Variants in FILIP1 observed in about 807,000 individuals in gnomAD.
FILIP1 encodes filamin-A-interacting protein 1.
In FILIP1, 61 loss-of-function variants were observed where a neutral mutation model predicts 102.1. The ratio of observed to expected loss-of-function variants is 0.60; its 90% CI spans 0.49 to 0.74. The LOEUF (loss-of-function observed/expected upper bound fraction) is 0.74. Among genes scored for constraint, FILIP1 ranks in the 30% least tolerant of loss-of-function variants. FILIP1 has a pLI of 0.00. For missense variants in FILIP1, 1,314 were observed against 1,441.2 expected (o/e 0.91, Z 1.43); for synonymous variants, 491 against 526.9 (o/e 0.93, Z 0.93).
chr6:75,492,016 T>G (rs1779973868), intron 1 of FILIP1, among the ~76,000 whole-genome samples: 1 of 152,210 alleles, frequency 6.6e-6, no homozygotes, highest in Admixed American at 6.5e-5. Context: ...GTTCTGACTT[T>G]TCAAACTCCT....
At chr6:75,440,977 G>C (rs1419664599) in intron 1 of FILIP1, among the ~76,000 whole-genome samples, 3 of 149,922 alleles carry the variant, frequency 2.0e-5, no homozygotes, top group Non-Finnish European at 3.0e-5. Context: ...TGACCGAAGA[G>C]TAAAACTTCC....
chr6:75,385,091 G>A (rs983885152), intron 2 of FILIP1, among the ~76,000 whole-genome samples: 17 of 150,888 alleles, frequency 1.1e-4, no homozygotes, highest in East Asian at 3.9e-4. Context: ...GGGCCACCAC[G>A]CCCAACCTAA....
At chr6:75,360,316 T>A (rs1775134641) in intron 3 of FILIP1, among the ~76,000 whole-genome samples, 2 of 152,244 alleles carry the variant, frequency 1.3e-5, no homozygotes, top group Non-Finnish European at 1.5e-5. Context: ...TTGTATTTTT[T>A]AAATTTATGA....
intron 4 of FILIP1, among the ~76,000 whole-genome samples, chr6:75,352,586 T>C (rs548221604): frequency 6.6e-6 from 1 of 152,256 alleles, no homozygotes; most frequent in African/African-American, 2.4e-5. Flanking sequence ...GGTTTGTTTT[T>C]TTACCCCAAG....
intron 2 of FILIP1, among the ~76,000 whole-genome samples, chr6:75,407,120 A>G (rs1033063934): frequency 6.6e-6 from 1 of 152,210 alleles, no homozygotes; most frequent in African/African-American, 2.4e-5. Flanking sequence ...AATGAGCAAT[A>G]TTTTTAAAAA....
At chr6:75,301,347 A>C (rs751238616) in intron 6 of FILIP1, among the ~76,000 whole-genome samples, 1 of 152,208 alleles carries the variant, frequency 6.6e-6, no homozygotes, top group African/African-American at 2.4e-5. Flanking sequence ...TAGTTTCATC[A>C]TATGAAATAA....
At chr6:75,304,145 G>A (rs1363192999), downstream of FILIP1, among the ~76,000 whole-genome samples, 1 of 152,154 alleles carries the variant, frequency 6.6e-6, no homozygotes, top group Non-Finnish European at 1.5e-5. Context: ...GGGAAATGTG[G>A]TAAGAGGAAG....
At chr6:75,423,470 G>C (rs757556992) in intron 1 of FILIP1, among the ~76,000 whole-genome samples, 2 of 152,082 alleles carry the variant, frequency 1.3e-5, no homozygotes, top group Non-Finnish European at 2.9e-5. Flanking sequence ...AGCCAAACTT[G>C]CACCAAAAAA....
intron 2 of FILIP1, among the ~76,000 whole-genome samples, chr6:75,375,518 T>A (rs558703850): frequency 2.0e-5 from 3 of 152,238 alleles, no homozygotes; most frequent in Middle Eastern, 3.4e-3. Flanking sequence ...GGTCATTTTC[T>A]GGGGTCTTCC....
At chr6:75,301,032 G>A (rs146183820) in intron 6 of FILIP1, among the ~76,000 whole-genome samples, 22 of 152,154 alleles carry the variant, frequency 1.4e-4, no homozygotes, top group Admixed American at 2.6e-4. Context: ...TGGAAAAATA[G>A]GTAAGTATTT....
rs150524234 is a variant in FILIP1, at chr6:75,480,031, T to G, written c.-7+13383A>C. On this transcript the variant is annotated intron_variant, in intron 1 of 5. Transcript: ENST00000237172. ...CATTCAGTTTTTATGGAATCAGATG[T>G]TTTAGTCTTATGTTTTACTGGCTTT... 5.2e-4 allele frequency among the ~76,000 whole-genome samples: 79 copies of G among 152,122 alleles called. 2 individuals are homozygous for G. The East Asian group carries it at 0.015, about 29-fold the overall frequency.
chr6:75,305,283 A>G (rs1304267992), downstream of FILIP1, among the ~76,000 whole-genome samples: 1 of 152,158 alleles, frequency 6.6e-6, no homozygotes, highest in African/African-American at 2.4e-5. Flanking sequence ...GTTTTTCCCA[A>G]CAAGGAAAGT....
At chr6:75,491,627 G>T (rs933269483) in intron 1 of FILIP1, among the ~76,000 whole-genome samples, 4 of 152,116 alleles carry the variant, frequency 2.6e-5, no homozygotes, top group African/African-American at 9.7e-5. Flanking sequence ...ATGGTAAAGG[G>T]GAAAGGGACA....
downstream of FILIP1, among the ~76,000 whole-genome samples, chr6:75,305,762 C>G (rs549711412): frequency 7.7e-4 from 115 of 148,782 alleles, no homozygotes; most frequent in Non-Finnish European, 1.5e-3. Context: ...CTGTGTAGAT[C>G]GTGTCCTGCA....
chr6:75,306,238 C>A (rs1772982000), downstream of FILIP1, among the ~76,000 whole-genome samples: 3 of 152,098 alleles, frequency 2.0e-5, no homozygotes, highest in African/African-American at 7.2e-5. Flanking sequence ...TTGTGGGTGG[C>A]TCTATTCCAA....
intron 1 of FILIP1, chr6:75,458,831 C>G (rs905970151): frequency 6.6e-6 from 1 of 152,082 alleles, no homozygotes; most frequent in Non-Finnish European, 1.5e-5. Flanking sequence ...GAGAGCCTAA[C>G]TCCTTATTCA....
At chr6:75,326,900 C>T (rs1773883426) in intron 4 of FILIP1, among the ~76,000 whole-genome samples, 1 of 152,120 alleles carries the variant, frequency 6.6e-6, no homozygotes, top group Non-Finnish European at 1.5e-5. Context: ...TTTTGTCACC[C>T]AGAATAACAG....
intron 2 of FILIP1, among the ~76,000 whole-genome samples, chr6:75,402,885 A>G (rs539774816): frequency 6.6e-6 from 1 of 152,340 alleles, no homozygotes; most frequent in Admixed American, 6.5e-5. Context: ...TGTTAAAAAT[A>G]TTAATCTTAT....
intron 2 of FILIP1, among the ~76,000 whole-genome samples, chr6:75,413,673 A>C (rs1272261396): frequency 2.0e-5 from 3 of 152,030 alleles, no homozygotes; most frequent in African/African-American, 7.2e-5. Flanking sequence ...TGTTAAAGTA[A>C]TTATTTTTGC....
Sources: allele counts gnomAD v4.1 joint callset (sites outside exome capture counted in the v4.1 genomes callset), GRCh38; gene constraint gnomAD v4.1.1; transcripts MANE v1.5; gene names NCBI Gene and HGNC (gene_info 2026-07-23, HGNC 2026-07-21).